The following PRUNE1 variants were observed in gnomAD, a reference collection of about 807,000 sequenced individuals.
The protein encoded by PRUNE1 is exopolyphosphatase PRUNE1.
Under a neutral mutation model 42.5 loss-of-function variants are expected in PRUNE1, and 25 were observed. The ratio of observed to expected loss-of-function variants is 0.59; its 90% CI spans 0.43 to 0.82. The LOEUF (loss-of-function observed/expected upper bound fraction) is 0.82, where lower values mean the gene tolerates loss of function less well. Ranked by LOEUF, PRUNE1 falls within the 40% of genes least tolerant of loss-of-function variation. PRUNE1 has a pLI of 0.00. For missense variants in PRUNE1, 443 were observed against 539.3 expected, an observed-to-expected ratio of 0.82 and a Z score of 1.77; for synonymous variants, 203 against 217.1, an observed-to-expected ratio of 0.93 and a Z score of 0.57.
At chr1:151,023,496 G>C (rs979788042) in intron 3 of PRUNE1, among the ~76,000 whole-genome samples, 2 of 152,056 alleles carry the variant, frequency 1.3e-5, no homozygotes, top group Non-Finnish European at 2.9e-5. Flanking sequence ...GAGGCGGGCG[G>C]ATCACGAGGT....
chr1:151,027,789 C>CGT (rs1255792748), intron 6 of PRUNE1, among the ~76,000 whole-genome samples: 1 of 146,026 alleles, frequency 6.8e-6, no homozygotes, highest in African/African-American at 2.6e-5. Flanking sequence ...TGTGCGCGCG[C>CGT]GTGTATGTAT....
chr1:151,027,356 G>T (rs750055684), intron 6 of PRUNE1, 29 bp downstream of exon 6: 1 of 1,523,582 alleles, frequency 6.6e-7, no homozygotes, highest in Non-Finnish European at 9.1e-7. Context: ...TGTGGGTGGG[G>T]AGAGAAAGCC....
intron 7 of PRUNE1, 28 bp downstream of exon 7, chr1:151,028,972 A>G: frequency 6.3e-7 from 1 of 1,585,214 alleles, no homozygotes; most frequent in Non-Finnish European, 8.7e-7. Context: ...CTCCAACCTA[A>G]GAGCCTTACA....
chr1:151,035,573 A>C lies in PRUNE1; in HGVS notation c.*1339A>C, dbSNP rs1202412871. ...TCTTCAGTATGAGGGGGACAGTTTG[A>C]CTTCACTTTGAGGGTGTGATGTCTG... On this transcript the variant is annotated 3_prime_UTR_variant, in exon 8 of 8. Transcript: ENST00000271620. 6.6e-6 allele frequency: 1 copy of C among 152,622 alleles called. No homozygotes were observed. The highest frequency in any genetic ancestry group is 2.4e-5 in the African/African-American group (1 of 41,434). The allele number at this position is 152,622 out of a possible 1,614,324, so 9.5% of individuals were successfully genotyped here.
chr1:151,014,958 G>A (rs991427409), intron 1 of PRUNE1, among the ~76,000 whole-genome samples: 1 of 152,174 alleles, frequency 6.6e-6, no homozygotes, highest in Non-Finnish European at 1.5e-5. Context: ...TTGGGAGGCC[G>A]AGGCAGCTGT....
Position 151,008,965 on chromosome 1 carries a change from T to C in PRUNE1, c.39+294T>C. Reference sequence around the variant, plus strand: ...ATCCTGCATTTGAGCCTCTGCTTGCTGTCATCTTGGTCAGTTCCATCAAAA... The same window carrying C: ...ATCCTGCATTTGAGCCTCTGCTTGCCGTCATCTTGGTCAGTTCCATCAAAA... On this transcript the variant is annotated intron_variant, in intron 1 of 7. Coordinates refer to ENST00000271620, the MANE Select transcript of PRUNE1 (RefSeq NM_021222.3). The C allele has an allele frequency of 5.2e-6, 3 of 571,478 alleles. No homozygotes were observed. The Admixed American group carries it at 6.6e-5, about 12-fold the overall frequency. The allele number at this position is 571,478 out of a possible 1,614,324, so 35.4% of individuals were successfully genotyped here.
At chr1:151,019,401 T>A (rs1194167536) in intron 3 of PRUNE1, among the ~76,000 whole-genome samples, 2 of 151,812 alleles carry the variant, frequency 1.3e-5, no homozygotes, top group Non-Finnish European at 2.9e-5. Flanking sequence ...TTACAAAAAA[T>A]TTTTAAAAAT....
chr1:151,026,860 T>G (rs1424807006), intron 5 of PRUNE1, among the ~76,000 whole-genome samples: 1 of 150,650 alleles, frequency 6.6e-6, no homozygotes, highest in African/African-American at 2.4e-5. Flanking sequence ...TTTTTTTTTT[T>G]TTTTTGAGAC....
chr1:151,018,625 T>G lies in PRUNE1; in HGVS notation c.291T>G (p.Ala97=), dbSNP rs748622557. 11 of 1,614,110 alleles carry G rather than the reference T, an allele frequency of 6.8e-6. No homozygotes were observed. The Admixed American group carries it at 1.7e-4, about 24-fold the overall frequency. The change falls in exon 3 of 8, where the codon GCT becomes GCG. Residue 97 remains alanine, a synonymous_variant. Transcript: ENST00000271620. ...TTGACCTCCATGCATTATACCAGGC[T>G]GGCCAACTCACCCTCATCCTTGTCG... ...DEIDLHALYQ[A]GQLTLILVDH... is the part of the protein sequence containing the mutation.
rs1674909204 is a variant in PRUNE1, at chr1:151,027,304, A to G, written c.751A>G (p.Ser251Gly). Residue 251 changes from serine (S) to glycine (G), a missense_variant, in exon 6 of 8, where the codon AGT becomes GGT. Ser to Gly is a moderately conservative substitution (Grantham distance 56, BLOSUM62 0). Transcript: ENST00000271620. ...TAGACAAGGCGTCAAGGTGGCCATTAGTGCAATATATATGGATTTGGAGGT... is the reference window on the plus strand; with the variant it reads ...TAGACAAGGCGTCAAGGTGGCCATTGGTGCAATATATATGGATTTGGAGGT... Reference protein sequence around the residue: ...IYRQGVKVAISAIYMDLEAFL... With the variant: ...IYRQGVKVAIGAIYMDLEAFL... The G allele has an allele frequency of 1.2e-6, 2 of 1,607,844 alleles. No homozygotes were observed. Among genetic ancestry groups the G allele is most frequent in the South Asian group, 1.1e-5 (1 of 90,946 alleles).
rs1246133456 is a variant in PRUNE1, at chr1:151,008,920, G to A, written c.39+249G>A. The A allele has an allele frequency of 7.6e-6, 5 of 658,288 alleles. No homozygotes were observed. In the Admixed American group the frequency reaches 8.3e-5, roughly 11 times the overall value. 40.8% of individuals were successfully genotyped at this position (658,288 alleles called of 1,614,324 possible). On this transcript the variant is annotated intron_variant, in intron 1 of 7. Coordinates refer to ENST00000271620, the MANE Select transcript of PRUNE1 (RefSeq NM_021222.3). Reference sequence around the variant, plus strand: ...CGCCTTTGGGGTCCGCCTGAGAGCGGGGAGAAGTCTTGGGTCTGAATCCTG... The same window carrying A: ...CGCCTTTGGGGTCCGCCTGAGAGCGAGGAGAAGTCTTGGGTCTGAATCCTG...
chr1:151,023,585 G>T (rs1674618324), intron 3 of PRUNE1, among the ~76,000 whole-genome samples: 1 of 151,946 alleles, frequency 6.6e-6, no homozygotes, highest in African/African-American at 2.4e-5. Context: ...GGGCCTGGTG[G>T]TGGGCGCCTG....
At chr1:151,033,700 A>C in intron 7 of PRUNE1, 106 bp from the exon 8 acceptor site, 1 of 1,192,254 alleles carries the variant, frequency 8.4e-7, no homozygotes, top group South Asian at 1.5e-5. Context: ...CGGCCGACTT[A>C]CTTTTTAAAA....
chr1:151,008,504 C>A lies in PRUNE1; in HGVS notation c.-129C>A. ...AGGCCGATTCGCCGTGTGGCGGGTT[C>A]GAGTCCCGCCTCCTGACTCTGGCCT... On this transcript the variant is annotated 5_prime_UTR_variant, in exon 1 of 8. Coordinates refer to ENST00000271620, the MANE Select transcript of PRUNE1 (RefSeq NM_021222.3). The A allele has an allele frequency of 1.5e-6, 2 of 1,303,198 alleles. No individual in the cohort carries two copies. The highest frequency in any genetic ancestry group is 1.2e-5 in the South Asian group (1 of 81,940). The allele number at this position is 1,303,198 out of a possible 1,614,324, so 80.7% of individuals were successfully genotyped here.
Position 151,024,603 on chromosome 1 carries a change from C to G in PRUNE1, c.336-8C>G. 2 of 1,599,724 alleles carry G rather than the reference C, an allele frequency of 1.3e-6. No individual in the cohort carries two copies. The highest frequency in any genetic ancestry group is 1.7e-6 in the Non-Finnish European group (2 of 1,166,992). On this transcript the variant is annotated splice_polypyrimidine_tract_variant and splice_region_variant and intron_variant, in intron 3 of 7. Coordinates refer to ENST00000271620, the MANE Select transcript of PRUNE1 (RefSeq NM_021222.3). ...TCTTCCTCTTTTCCCATACCCTCCC[C>G]TCCACAGAAGTGACACAGCCCTAGA...
intron 1 of PRUNE1, among the ~76,000 whole-genome samples, chr1:151,011,691 C>G (rs1420840971): frequency 6.6e-6 from 1 of 152,132 alleles, no homozygotes; most frequent in Non-Finnish European, 1.5e-5. Flanking sequence ...CCCCTCCCTG[C>G]CCCCTCCTCT....
chr1:151,024,387 C>G (rs1273186800), intron 3 of PRUNE1, among the ~76,000 whole-genome samples: 1 of 151,898 alleles, frequency 6.6e-6, no homozygotes, highest in Non-Finnish European at 1.5e-5. Context: ...CCCAGCTACT[C>G]AGGAGGCTGA....
Position 151,027,281 on chromosome 1 carries a change from G to C in PRUNE1, c.728G>C (p.Arg243Thr). Residue 243 changes from arginine (R) to threonine (T), a missense_variant, in exon 6 of 8, where the codon AGA becomes ACA. Physicochemically the swap from Arg to Thr is moderately conservative, Grantham distance 71. Coordinates refer to ENST00000271620, the MANE Select transcript of PRUNE1 (RefSeq NM_021222.3). Reference protein sequence around the residue: ...MLRKDQKTIYRQGVKVAISAI... With the variant: ...MLRKDQKTIYTQGVKVAISAI... ...AGAAAAGACCAGAAGACTATCTATA[G>C]ACAAGGCGTCAAGGTGGCCATTAGT... The C allele has an allele frequency of 1.2e-6, 2 of 1,611,982 alleles. No individual in the cohort carries two copies. Among genetic ancestry groups the C allele is most frequent in the Non-Finnish European group, 1.7e-6 (2 of 1,178,196 alleles).
chr1:151,010,667 T>C (rs587670304), intron 1 of PRUNE1, among the ~76,000 whole-genome samples: 16 of 110,180 alleles, frequency 1.5e-4, no homozygotes, highest in African/African-American at 4.9e-4. Context: ...TTTAAATTGC[T>C]TTAATTTTTT....
Sources: gnomAD v4.1 joint callset for allele counts (sites outside exome capture counted in the v4.1 genomes callset) on GRCh38, gnomAD v4.1.1 for gene constraint, MANE v1.5 for transcripts, NCBI Gene and HGNC (gene_info 2026-07-23, HGNC 2026-07-21) for gene names.